The following DCDC2 variants were observed in gnomAD, a reference collection of about 807,000 sequenced individuals.
DCDC2 encodes the protein doublecortin domain containing 2.
DCDC2 carries 40 observed loss-of-function variants against 50.2 expected under a neutral mutation model. The ratio of observed to expected loss-of-function variants is 0.80; its 90% CI spans 0.62 to 1.04. DCDC2 has a LOEUF of 1.04. Ranked by LOEUF, DCDC2 falls within the 50% of genes least tolerant of loss-of-function variation. DCDC2 has a pLI of 0.00. For synonymous variants in DCDC2, 234 were observed against 210.6 expected, an observed-to-expected ratio of 1.11 and a Z score of -0.96; for missense variants, 570 against 581.9, an observed-to-expected ratio of 0.98 and a Z score of 0.21.
intron 2 of DCDC2, among the ~76,000 whole-genome samples, chr6:24,304,688 T>C (rs186199611): frequency 6.6e-6 from 1 of 152,310 alleles, no homozygotes; most frequent in African/African-American, 2.4e-5. Context: ...AGCACATACA[T>C]ACAATTTTTA....
chr6:24,347,195 G>A (rs900045281), intron 2 of DCDC2, among the ~76,000 whole-genome samples: 1 of 152,064 alleles, frequency 6.6e-6, no homozygotes, highest in Non-Finnish European at 1.5e-5. Context: ...AAGCTATTTA[G>A]CCCCCTAAAT....
chr6:24,294,839 G>T (rs543919787), intron 4 of DCDC2, among the ~76,000 whole-genome samples: 1 of 151,856 alleles, frequency 6.6e-6, no homozygotes, highest in Non-Finnish European at 1.5e-5. Context: ...ATAGCCTACC[G>T]ATCAAAAAAA....
rs1760333896 is a variant in DCDC2, at chr6:24,349,888, G to T, written c.348+3681C>A. 2.0e-5 allele frequency among the ~76,000 whole-genome samples: 3 copies of T among 152,082 alleles called. No individual in the cohort carries two copies. In the South Asian group the frequency reaches 6.2e-4, roughly 32 times the overall value. On this transcript the variant is annotated intron_variant, in intron 2 of 9. Coordinates refer to ENST00000378454, the MANE Select transcript of DCDC2 (RefSeq NM_016356.5). ...GGGTGTAGAGAGTCAGGGATAGGCTGCTCTGAGCCCATATGGTGCCCTGAC... is the reference window on the plus strand; with the variant it reads ...GGGTGTAGAGAGTCAGGGATAGGCTTCTCTGAGCCCATATGGTGCCCTGAC...
intron 8 of DCDC2, among the ~76,000 whole-genome samples, chr6:24,195,933 A>T (rs899465690): frequency 1.3e-5 from 2 of 152,196 alleles, no homozygotes; most frequent in African/African-American, 4.8e-5. Flanking sequence ...TCTAAAACTT[A>T]ATCTGCTTCT....
chr6:24,272,277 G>T lies in DCDC2; in HGVS notation c.922+5772C>A, dbSNP rs62400402. On this transcript the variant is annotated intron_variant, in intron 7 of 9. Transcript: ENST00000378454. ...CTCAAGAAAATTACTAAGACCTCTC[G>T]CTGTACTAGAAATTTGTGGCACAAT... 4.4e-3 allele frequency among the ~76,000 whole-genome samples: 663 copies of T among 152,128 alleles called. 6 individuals carry two copies. The highest frequency in any genetic ancestry group is 0.015 in the African/African-American group (611 of 41,480).
chr6:24,380,384 C>A, the DCDC2 span, among the ~76,000 whole-genome samples: 1 of 152,134 alleles, frequency 6.6e-6, no homozygotes, highest in Admixed American at 6.5e-5. Context: ...CCATTTACTT[C>A]CTTTCTTTGA....
chr6:24,352,980 C>T (rs1581667054), intron 2 of DCDC2, among the ~76,000 whole-genome samples: 1 of 152,162 alleles, frequency 6.6e-6, no homozygotes, highest in Non-Finnish European at 1.5e-5. Flanking sequence ...AAAACTCCAC[C>T]AGGGTTTCAG....
At chr6:24,313,991 A>C (rs1376269709) in intron 2 of DCDC2, among the ~76,000 whole-genome samples, 1 of 152,132 alleles carries the variant, frequency 6.6e-6, no homozygotes, top group African/African-American at 2.4e-5. Context: ...CTAGCCCTAG[A>C]AGCGCAGCTC....
At chr6:24,272,825 A>G (rs1345951532) in intron 7 of DCDC2, among the ~76,000 whole-genome samples, 1 of 152,178 alleles carries the variant, frequency 6.6e-6, no homozygotes, top group African/African-American at 2.4e-5. Flanking sequence ...AAAGACTGAA[A>G]ATAGAATTTT....
intron 7 of DCDC2, among the ~76,000 whole-genome samples, chr6:24,221,241 C>T (rs561414921): frequency 6.6e-6 from 1 of 152,006 alleles, no homozygotes; most frequent in African/African-American, 2.4e-5. Flanking sequence ...CTTCTAAGAC[C>T]GTCAGAATTT....
chr6:24,280,852 T>G (rs955904607), intron 6 of DCDC2, among the ~76,000 whole-genome samples: 2 of 152,126 alleles, frequency 1.3e-5, no homozygotes, highest in Non-Finnish European at 2.9e-5. Context: ...ATTTTAAAAA[T>G]TTAAAAGCTT....
chr6:24,314,181 T>G (rs969432510), intron 2 of DCDC2, among the ~76,000 whole-genome samples: 1 of 152,076 alleles, frequency 6.6e-6, no homozygotes, highest in Non-Finnish European at 1.5e-5. Context: ...ATTAAACTAT[T>G]AAAAATATGA....
chr6:24,240,808 C>G (rs562138847), intron 7 of DCDC2, among the ~76,000 whole-genome samples: 16 of 152,092 alleles, frequency 1.1e-4, no homozygotes, highest in South Asian at 2.1e-4. Flanking sequence ...TTTAGGCTAT[C>G]GTAACACTTC....
At chr6:24,265,636 A>G (rs1206458660) in intron 7 of DCDC2, among the ~76,000 whole-genome samples, 1 of 152,198 alleles carries the variant, frequency 6.6e-6, no homozygotes, top group Non-Finnish European at 1.5e-5. Context: ...GTACATGGAA[A>G]CTAAATAATA....
At chr6:24,359,867 C>T (rs1315912733), upstream of DCDC2, among the ~76,000 whole-genome samples, 1 of 152,206 alleles carries the variant, frequency 6.6e-6, no homozygotes, top group African/African-American at 2.4e-5. Context: ...GGCGGCGAAG[C>T]TCGGGTGCGC....
chr6:24,357,654 G>A lies in DCDC2; in HGVS notation c.97C>T (p.Arg33Cys). ...ACCTTCTTCTCATGGATGACGACGC[G>A]GCGCCCCGCGTAGAAGGGGTCCCCG... ...RNGDPFYAGR[R>C]VVIHEKKVSS... is the part of the protein sequence containing the mutation. Residue 33 changes from arginine to cysteine, a missense_variant, in exon 1 of 10, where the codon CGC becomes TGC. Transcript: ENST00000378454. 1 of 1,613,430 alleles carries A rather than the reference G, an allele frequency of 6.2e-7. No homozygotes were observed. The highest frequency in any genetic ancestry group is 8.5e-7 in the Non-Finnish European group (1 of 1,180,036).
chr6:24,357,661 C>T lies in DCDC2; in HGVS notation c.90G>A (p.Ala30=). ...LVYRNGDPFY[A]GRRVVIHEKK... ...TCTCATGGATGACGACGCGGCGCCC[C>T]GCGTAGAAGGGGTCCCCGTTGCGGT... Residue 30 remains alanine (A), a synonymous_variant, in exon 1 of 10, where the codon GCG becomes GCA. Transcript: ENST00000378454. 6.2e-7 allele frequency: 1 copy of T among 1,613,424 alleles called. No individual in the cohort carries two copies. Among genetic ancestry groups the T allele is most frequent in the Non-Finnish European group, 8.5e-7 (1 of 1,180,030 alleles).
At chr6:24,174,933 TATAA>T (rs1161767791) in intron 9 of DCDC2, 99 bp from the exon 10 acceptor site, 1 of 605,512 alleles carries the variant, frequency 1.7e-6, no homozygotes, top group Non-Finnish European at 2.6e-6. Context: ...TATTTAATTA[TATAA>T]ATATTTAACT....
At chr6:24,362,400 TG>T (rs1232634539), upstream of DCDC2, among the ~76,000 whole-genome samples, 31 of 143,182 alleles carry the variant, frequency 2.2e-4, no homozygotes, top group East Asian at 3.9e-4. Flanking sequence ...TTTATTTAAT[TG>T]TATATTTATA....
Sources: gnomAD v4.1 joint callset for allele counts (sites outside exome capture counted in the v4.1 genomes callset) on GRCh38, gnomAD v4.1.1 for gene constraint, MANE v1.5 for transcripts, NCBI Gene and HGNC (gene_info 2026-07-23, HGNC 2026-07-21) for gene names.